CCNE2: variants seen among roughly 807,000 people sequenced by gnomAD.
The protein encoded by CCNE2 is G1/S-specific cyclin-E2.
CCNE2 carries 18 observed loss-of-function variants against 56.8 expected under a neutral mutation model. The observed-to-expected ratio is 0.32, with a 90% CI of 0.22 to 0.47. The LOEUF (loss-of-function observed/expected upper bound fraction) is 0.47. Among genes scored for constraint, CCNE2 ranks in the 20% least tolerant of loss-of-function variants. The probability of loss-of-function intolerance (pLI) is 1.00; values close to 1 mark genes in which losing one functional copy is unlikely to be tolerated. For synonymous variants in CCNE2, 139 were observed against 149.2 expected (o/e 0.93, Z 0.50); for missense variants, 371 against 467.1 (o/e 0.79, Z 1.90).
chr8:94,888,132 C>A, intron 6 of CCNE2, 59 bp from the exon 7 acceptor site: 1 of 1,182,724 alleles, frequency 8.5e-7, no homozygotes, highest in Non-Finnish European at 1.2e-6. Context: ...ATTAGAAAGT[C>A]ATCTCTTAGC....
intron 7 of CCNE2, 64 bp downstream of exon 7, chr8:94,887,863 A>G: frequency 9.1e-7 from 1 of 1,093,384 alleles, no homozygotes; most frequent in Non-Finnish European, 1.3e-6. Context: ...CTTTGGGATT[A>G]ATATGTTGAT....
At chr8:94,891,973 A>AG (rs1817264533) in intron 5 of CCNE2, 1 of 968,342 alleles carries the variant, frequency 1.0e-6, no homozygotes, top group Non-Finnish European at 1.6e-6. Flanking sequence ...CTCACACGTG[A>AG]TCTCTCCCTG....
Position 94,882,773 on chromosome 8 carries a change from A to T in CCNE2, c.943+8T>A. 6.4e-7 allele frequency: 1 copy of T among 1,570,160 alleles called. No individual in the cohort carries two copies. The highest frequency in any genetic ancestry group is 1.1e-5 in the South Asian group (1 of 90,094). On this transcript the variant is annotated splice_region_variant and intron_variant, in intron 10 of 11. Coordinates refer to ENST00000308108, the MANE Select transcript of CCNE2 (RefSeq NM_057749.3). ...AAAGGTAAGAAGACAACAAATAGAG[A>T]GTCTTACCTGAGGCTTTCTTAACCA...
chr8:94,891,884 C>A (rs2131119949), intron 5 of CCNE2: 1 of 1,422,826 alleles, frequency 7.0e-7, no homozygotes, highest in Middle Eastern at 2.5e-4. Flanking sequence ...GATGTAGATT[C>A]TCTGGTCATT....
At chr8:94,894,820 G>A (rs1214786118) in intron 1 of CCNE2, among the ~76,000 whole-genome samples, 3 of 152,228 alleles carry the variant, frequency 2.0e-5, no homozygotes, top group Non-Finnish European at 2.9e-5. Context: ...GATGGGAAGC[G>A]GAGGGCGTGG....
At chr8:94,893,037 C>A in intron 4 of CCNE2, 68 bp from the exon 5 acceptor site, 1 of 1,264,570 alleles carries the variant, frequency 7.9e-7, no homozygotes, top group Non-Finnish European at 1.1e-6. Context: ...ATGGATCTTT[C>A]ATAAATGAAA....
At chr8:94,893,165 G>A (rs1368097320) in intron 4 of CCNE2, among the ~76,000 whole-genome samples, 196 bp from the exon 5 acceptor site, 2 of 152,086 alleles carry the variant, frequency 1.3e-5, no homozygotes, top group East Asian at 3.8e-4. Context: ...AAGAGTAATA[G>A]GATGTTTTAG....
Position 94,893,949 on chromosome 8 carries a change from A to C in CCNE2, c.112-5T>G. On this transcript the variant is annotated splice_region_variant and splice_polypyrimidine_tract_variant and intron_variant, in intron 3 of 11. Coordinates refer to ENST00000308108, the MANE Select transcript of CCNE2 (RefSeq NM_057749.3). Reference sequence around the variant, plus strand: ...CTCTCTTCTTTTTTTGACATCCTGGAAAATAGAAAAGACCATTGGTAAACT... The same window carrying C: ...CTCTCTTCTTTTTTTGACATCCTGGCAAATAGAAAAGACCATTGGTAAACT... The C allele has an allele frequency of 6.2e-7, 1 of 1,613,856 alleles. No homozygotes were observed.
chr8:94,884,681 C>CA (rs547806419), intron 9 of CCNE2: 243 of 154,964 alleles, frequency 1.6e-3, no homozygotes, highest in African/African-American at 5.6e-3. Context: ...ATTTTTTTAA[C>CA]AAAGTAATTT....
Position 94,880,454 on chromosome 8 carries a change from C to G in CCNE2, c.*1178G>C, listed in dbSNP as rs541534802. The stretch of plus-strand genomic sequence containing the variant: ...TCAAAGGGAGAAGAGATTCACATAT[C>G]TGATAACAAAATAAACTAGCAATCT... On this transcript the variant is annotated 3_prime_UTR_variant, in exon 12 of 12. Coordinates refer to ENST00000308108, the MANE Select transcript of CCNE2 (RefSeq NM_057749.3). 1 of 328,452 alleles carries G rather than the reference C, an allele frequency of 3.0e-6. No homozygotes were observed. The highest frequency in any genetic ancestry group is 2.1e-5 in the African/African-American group (1 of 47,242). The allele number at this position is 328,452 out of a possible 1,614,324, so 20.3% of individuals were successfully genotyped here.
chr8:94,880,885 CA>C lies in CCNE2; in HGVS notation c.*746del. ...GATATACAAAAAGGTTATTACCAAG[CA>C]ACCTACATGTCAAGAAAGCCCCAGT... On this transcript the variant is annotated 3_prime_UTR_variant, in exon 12 of 12. Coordinates refer to ENST00000308108, the MANE Select transcript of CCNE2 (RefSeq NM_057749.3). 2.5e-6 allele frequency: 1 copy of C among 398,726 alleles called. No individual in the cohort carries two copies. Among genetic ancestry groups the C allele is most frequent in the Non-Finnish European group, 4.4e-6 (1 of 225,904 alleles). 24.7% of individuals were successfully genotyped at this position (398,726 alleles called of 1,614,324 possible).
intron 5 of CCNE2, among the ~76,000 whole-genome samples, chr8:94,891,051 A>C (rs998130895): frequency 1.3e-5 from 2 of 152,176 alleles, no homozygotes; most frequent in East Asian, 1.9e-4. Context: ...TAATTTTTGG[A>C]AACAATTTCC....
At chr8:94,885,331 C>G in intron 8 of CCNE2, 130 bp from the exon 9 acceptor site, 1 of 1,064,318 alleles carries the variant, frequency 9.4e-7, no homozygotes, top group Non-Finnish European at 1.4e-6. Flanking sequence ...ATGCATTAAC[C>G]TCTTAGAACT....
rs1050845954 is a variant in CCNE2, at chr8:94,881,541, C to CACTTTACAGAA, written c.*90_*91insTTCTGTAAAGT. On this transcript the variant is annotated 3_prime_UTR_variant, in exon 12 of 12. Coordinates refer to ENST00000308108, the MANE Select transcript of CCNE2 (RefSeq NM_057749.3). ...GTGAATTGGCTAGGGCAATCAATCA[C>CACTTTACAGAA]AGCACTACTTTCTGTAAAACTTTAG... 59 of 1,335,166 alleles carry CACTTTACAGAA rather than the reference C, an allele frequency of 4.4e-5. No homozygotes were observed. The highest frequency in any genetic ancestry group is 5.9e-5 in the Non-Finnish European group (57 of 961,938). The allele number at this position is 1,335,166 out of a possible 1,614,324, so 82.7% of individuals were successfully genotyped here. A position where few individuals can be genotyped will look rare whatever the true frequency, so the allele number is the denominator to read the frequency against.
intron 11 of CCNE2, 128 bp downstream of exon 11, chr8:94,882,004 A>G: frequency 1.0e-6 from 1 of 989,834 alleles, no homozygotes; most frequent in Non-Finnish European, 1.5e-6. Flanking sequence ...CTACATTTTG[A>G]AATCAGTGTG....
chr8:94,895,205 T>TGGCGCC (rs1209767558), upstream of CCNE2: 20 of 985,672 alleles, frequency 2.0e-5, no homozygotes, highest in East Asian at 3.4e-4. Context: ...TCGGCTCAGC[T>TGGCGCC]GGCGCCGGCG....
Position 94,881,807 on chromosome 8 carries a change from T to C in CCNE2, c.1102-62A>G, listed in dbSNP as rs1383632733. On this transcript the variant is annotated intron_variant, in intron 11 of 11. Coordinates refer to ENST00000308108, the MANE Select transcript of CCNE2 (RefSeq NM_057749.3). ...ATCAAAGTCAAACCAGACTTCTGGG[T>C]ACTTATTTGAGATTATTTAGGCCTA... 3 of 1,598,088 alleles carry C rather than the reference T, an allele frequency of 1.9e-6. No homozygotes were observed. The African/African-American group carries it at 4.1e-5, about 22-fold the overall frequency.
Position 94,894,013 on chromosome 8 carries a change from C to T in CCNE2, c.111+10G>A, listed in dbSNP as rs375890571. 955 of 1,613,862 alleles carry T rather than the reference C, an allele frequency of 5.9e-4. 2 individuals are homozygous for T. Among genetic ancestry groups the T allele is most frequent in the Non-Finnish European group, 6.9e-4 (816 of 1,179,922 alleles). ...GGAATTTCGTTCCTCCCTCTTTCTC[C>T]TTAAATCACCTGGGTAGTTTTCCTC... On this transcript the variant is annotated intron_variant, in intron 3 of 11. Transcript: ENST00000308108.
chr8:94,893,849 T>G, intron 4 of CCNE2, 42 bp downstream of exon 4: 1 of 1,547,554 alleles, frequency 6.5e-7, no homozygotes, highest in Non-Finnish European at 8.9e-7. Flanking sequence ...TCATCTATCC[T>G]CCATTTTTCC....
Sources: allele counts gnomAD v4.1 joint callset (sites outside exome capture counted in the v4.1 genomes callset), GRCh38; gene constraint gnomAD v4.1.1; transcripts MANE v1.5; gene names NCBI Gene and HGNC (gene_info 2026-07-23, HGNC 2026-07-21).